DNAJC6: variants seen among roughly 807,000 people sequenced by gnomAD.
DNAJC6 encodes the protein DnaJ heat shock protein family (Hsp40) member C6, also known as auxilin.
DNAJC6 carries 34 observed loss-of-function variants against 110.0 expected under a neutral mutation model. The observed-to-expected ratio is 0.31, with a 90% CI of 0.24 to 0.41. The LOEUF is 0.41. Ranked by LOEUF, DNAJC6 falls within the 10% of genes least tolerant of loss-of-function variation. The probability of loss-of-function intolerance (pLI) is 1.00; values close to 1 mark genes in which losing one functional copy is unlikely to be tolerated. For synonymous variants in DNAJC6, 406 were observed against 437.2 expected (o/e 0.93, Z 0.89); for missense variants, 1,031 against 1,207.8 (o/e 0.85, Z 2.17).
At chr1:65,350,602 A>G (rs1377889762) in intron 1 of DNAJC6, among the ~76,000 whole-genome samples, 3 of 152,192 alleles carry the variant, frequency 2.0e-5, no homozygotes, top group African/African-American at 7.2e-5. Context: ...GTTAAATTTT[A>G]TTCTGGAAGA....
intron 1 of DNAJC6, among the ~76,000 whole-genome samples, chr1:65,302,125 A>ATATAT (rs1557508056): frequency 1.4e-4 from 3 of 20,726 alleles, no homozygotes; most frequent in African/African-American, 3.1e-4. Context: ...TATATATATA[A>ATATAT]AAAATATATA....
chr1:65,303,738 T>C (rs906836682), intron 1 of DNAJC6, among the ~76,000 whole-genome samples: 23 of 152,066 alleles, frequency 1.5e-4, no homozygotes, highest in Admixed American at 1.3e-3. Context: ...TTTTGTTTGT[T>C]TGTTTGTTTG....
At chr1:65,274,633 C>T (rs1372719825) in intron 1 of DNAJC6, among the ~76,000 whole-genome samples, 1 of 150,882 alleles carries the variant, frequency 6.6e-6, no homozygotes, top group Non-Finnish European at 1.5e-5. Flanking sequence ...TTACTTTTTT[C>T]TATACCCATA....
chr1:65,312,679 G>A (rs943530020), intron 1 of DNAJC6, among the ~76,000 whole-genome samples: 1 of 152,154 alleles, frequency 6.6e-6, no homozygotes, highest in Admixed American at 6.5e-5. Flanking sequence ...AGAACACTTG[G>A]ACAATTCTCT....
chr1:65,322,847 A>G (rs2101421179), intron 1 of DNAJC6, among the ~76,000 whole-genome samples: 1 of 152,366 alleles, frequency 6.6e-6, no homozygotes, highest in Non-Finnish European at 1.5e-5. Context: ...TTAAAGGTTG[A>G]TATTTCTGTG....
At chr1:65,338,293 A>T (rs1645357199) in intron 1 of DNAJC6, among the ~76,000 whole-genome samples, 1 of 152,204 alleles carries the variant, frequency 6.6e-6, no homozygotes, top group Non-Finnish European at 1.5e-5. Context: ...CACAATACAC[A>T]GCCACAGAAT....
chr1:65,395,852 G>A (rs1376911240), intron 13 of DNAJC6, among the ~76,000 whole-genome samples: 2 of 152,126 alleles, frequency 1.3e-5, no homozygotes, highest in East Asian at 3.8e-4. Flanking sequence ...TGTCACTTAG[G>A]TAACATTGAT....
In DNAJC6 at chr1:65,386,860, T is replaced by C. The variant is rs1350363172; in HGVS notation, c.1044T>C (p.Thr348=). 6.2e-7 allele frequency: 1 copy of C among 1,614,162 alleles called. No homozygotes were observed. Among genetic ancestry groups the C allele is most frequent in the Non-Finnish European group, 8.5e-7 (1 of 1,180,000 alleles). ...DGKIFIPLNI[T]VQGDVVVSMY... is the part of the protein sequence containing the mutation. ...AAATCTTCATTCCCTTGAACATCAC[T>C]GTGCAAGGAGACGTGGTTGTTTCCA... The change falls in exon 8 of 19, where the codon ACT becomes ACC. Residue 348 remains threonine, a synonymous_variant. Coordinates refer to ENST00000371069, the MANE Select transcript of DNAJC6 (RefSeq NM_001256864.2).
intron 1 of DNAJC6, among the ~76,000 whole-genome samples, chr1:65,346,463 C>T (rs1415401588): frequency 6.6e-6 from 1 of 152,002 alleles, no homozygotes; most frequent in Non-Finnish European, 1.5e-5. Flanking sequence ...TTTAGCTTGA[C>T]CTTCTGAGGT....
rs1338981258 is a variant in DNAJC6 at position 65,411,262 on chromosome 1, A to G, written c.2647A>G (p.Ile883Val). Residue 883 changes from isoleucine to valine, a missense_variant, in exon 18 of 19, where the codon ATT becomes GTT. By Grantham distance (29) the Ile-to-Val change is conservative. Coordinates refer to ENST00000371069, the MANE Select transcript of DNAJC6 (RefSeq NM_001256864.2). ...DPEKLKILEWIEGKERNIRAL... is the reference protein window; with the variant it reads ...DPEKLKILEWVEGKERNIRAL... ...TTTGTGTTTACAGATTCTGGAATGG[A>G]TTGAAGGCAAAGAAAGAAATATCAG... 3 of 1,613,426 alleles carry G rather than the reference A, an allele frequency of 1.9e-6. No homozygotes were observed. The African/African-American group carries it at 4.0e-5, about 22-fold the overall frequency.
At chr1:65,274,860 A>C (rs1471813509) in intron 1 of DNAJC6, among the ~76,000 whole-genome samples, 1 of 152,112 alleles carries the variant, frequency 6.6e-6, no homozygotes, top group East Asian at 1.9e-4. Flanking sequence ...TAACTTTCCA[A>C]CATATTCTTT....
chr1:65,324,515 T>C (rs1041573860), intron 1 of DNAJC6, among the ~76,000 whole-genome samples: 2 of 151,968 alleles, frequency 1.3e-5, no homozygotes, highest in Admixed American at 6.6e-5. Context: ...CCCACCACCA[T>C]GGTTGGCTAA....
At chr1:65,364,613 TG>T (rs368303634) in intron 1 of DNAJC6, 21 bp from the exon 2 acceptor site, 18,518 of 1,351,748 alleles carry the variant, frequency 0.014, 447 homozygotes, top group East Asian at 0.036. Context: ...TTTGTTTGTT[TG>T]TTTTTTTTTT....
chr1:65,394,181 A>C (rs1486365611), intron 12 of DNAJC6, among the ~76,000 whole-genome samples: 1 of 152,232 alleles, frequency 6.6e-6, no homozygotes, highest in African/African-American at 2.4e-5. Context: ...TCAGGCAGCT[A>C]GTGGAATTCC....
chr1:65,358,585 C>CT (rs1645569598), intron 1 of DNAJC6, among the ~76,000 whole-genome samples: 1 of 152,204 alleles, frequency 6.6e-6, no homozygotes, highest in South Asian at 2.1e-4. Flanking sequence ...ATTATATCCT[C>CT]TGAATTGTTT....
At chr1:65,288,804 C>T (rs1417514832) in intron 1 of DNAJC6, among the ~76,000 whole-genome samples, 1 of 151,920 alleles carries the variant, frequency 6.6e-6, no homozygotes, top group Admixed American at 6.6e-5. Flanking sequence ...TTTATTTTGC[C>T]CAAATTTATG....
intron 1 of DNAJC6, among the ~76,000 whole-genome samples, chr1:65,265,954 C>A (rs1339722854): frequency 1.3e-5 from 2 of 152,268 alleles, no homozygotes; most frequent in African/African-American, 4.8e-5. Flanking sequence ...CCGTGCGAGC[C>A]GCTGCGCAGC....
intron 1 of DNAJC6, among the ~76,000 whole-genome samples, chr1:65,315,241 T>C (rs1455790439): frequency 1.3e-5 from 2 of 152,136 alleles, no homozygotes; most frequent in Non-Finnish European, 2.9e-5. Context: ...TTTTTCTCTA[T>C]ATAAAATGAT....
chr1:65,374,048 C>A (rs1463600030), intron 4 of DNAJC6, among the ~76,000 whole-genome samples: 1 of 152,220 alleles, frequency 6.6e-6, no homozygotes, highest in Non-Finnish European at 1.5e-5. Flanking sequence ...TGTCCTCTCC[C>A]ACTGTAAGTT....
Sources: allele counts gnomAD v4.1 joint callset (sites outside exome capture counted in the v4.1 genomes callset), GRCh38; gene constraint gnomAD v4.1.1; transcripts MANE v1.5; gene names NCBI Gene and HGNC (gene_info 2026-07-23, HGNC 2026-07-21).